NFIX: variants seen among roughly 807,000 people sequenced by gnomAD.
NFIX encodes the protein nuclear factor 1 X-type.
A neutral mutation model predicts 53.3 loss-of-function variants in NFIX; 2 were observed. That is an observed-to-expected ratio of 0.04 (90% CI 0.02 to 0.12). NFIX has a LOEUF of 0.12. NFIX is among the 10% of genes least tolerant of loss of function. The pLI is 1.00. For missense variants in NFIX, 310 were observed against 674.5 expected, an observed-to-expected ratio of 0.46 and a Z score of 5.99; for synonymous variants, 244 against 289.0, an observed-to-expected ratio of 0.84 and a Z score of 1.58.
chr19:13,038,445 C>T (rs965132277), intron 2 of NFIX, among the ~76,000 whole-genome samples: 1 of 152,126 alleles, frequency 6.6e-6, no homozygotes, highest in Non-Finnish European at 1.5e-5. Context: ...TTTCCCAGAC[C>T]CAGTGACCAG....
At chr19:13,075,507 C>T in intron 5 of NFIX, 28 bp from the exon 6 acceptor site, 1 of 1,611,692 alleles carries the variant, frequency 6.2e-7, no homozygotes, top group Middle Eastern at 1.7e-4. Flanking sequence ...CCATCCTTGG[C>T]CCATGTGACC....
rs1473281441 is a variant in NFIX, at chr19:13,088,504, TTTTTTG to T, written c.1402+380_1402+385del. On this transcript the variant is annotated intron_variant, in intron 9 of 10. Transcript: ENST00000592199. The surrounding 1 kb of genome is among the most constrained non-coding windows in gnomAD (Gnocchi z 5.9). ...CCTGATTGCTGTTTTTTTTTTTTTG[TTTTTTG>T]TTTTTGTTTTTTAATTTTTTTGTTG... Among the ~76,000 whole-genome samples the T allele has an allele frequency of 1.3e-5, 2 of 150,870 alleles. No individual in the cohort carries two copies. The highest frequency in any genetic ancestry group is 3.0e-5 in the Non-Finnish European group (2 of 67,714).
rs572565425 is a variant in NFIX at position 13,021,059 on chromosome 19, C to T, written c.28-3962C>T. Among the ~76,000 whole-genome samples, 10 of 152,252 alleles carry T rather than the reference C, an allele frequency of 6.6e-5. No individual in the cohort carries two copies. The highest frequency in any genetic ancestry group is 5.9e-4 in the Admixed American group (9 of 15,306). On this transcript the variant is annotated intron_variant, in intron 1 of 10. Transcript: ENST00000592199. This position sits in a 1 kb window ranked among gnomAD's most constrained non-coding sequence, Gnocchi z 4.2. ...AGTATAAATCAGAATACAAGAAAAA[C>T]ACCTCCATGCCAAATATAAACTCAC...
chr19:13,072,834 G>T lies in NFIX; in HGVS notation c.560-213G>T, dbSNP rs1168755979. ...CCAGGCCAAATGTCAGCAGTGCTGA[G>T]GCTGAGAAACCTGCACTGGGCCTGT... is the stretch of plus-strand genomic sequence containing the variant. On this transcript the variant is annotated intron_variant, in intron 2 of 10. Transcript: ENST00000592199. The surrounding 1 kb of genome is among the most constrained non-coding windows in gnomAD (Gnocchi z 4.0). 6.6e-6 allele frequency among the ~76,000 whole-genome samples: 1 copy of T among 152,206 alleles called. No individual in the cohort carries two copies. Among genetic ancestry groups the T allele is most frequent in the Non-Finnish European group, 1.5e-5 (1 of 68,036 alleles).
intron 1 of NFIX, among the ~76,000 whole-genome samples, chr19:13,003,845 G>T (rs2145137110): frequency 6.6e-6 from 1 of 152,230 alleles, no homozygotes; most frequent in South Asian, 2.1e-4. Context: ...TGGTTATGTT[G>T]CCCAGGCTGG....
rs968469113 is a variant in NFIX, at chr19:13,041,188, A to C, written c.559+15636A>C. Among the ~76,000 whole-genome samples, 4 of 151,750 alleles carry C rather than the reference A, an allele frequency of 2.6e-5. 1 individual carries two copies. Among genetic ancestry groups the C allele is most frequent in the African/African-American group, 9.7e-5 (4 of 41,272 alleles). The stretch of plus-strand genomic sequence containing the variant: ...AGGAGGCCAAGCCTGCCTCTCACAA[A>C]CTCTGGACACACAGGGGCTTAGTTT... On this transcript the variant is annotated intron_variant, in intron 2 of 10. Coordinates refer to ENST00000592199, the MANE Select transcript of NFIX (RefSeq NM_001365902.3).
At position 13,068,228 on chromosome 19, in the gene NFIX, CCT is replaced by C. The variant is rs2145409028; in HGVS notation, c.560-4816_560-4815del. 6.6e-6 allele frequency among the ~76,000 whole-genome samples: 1 copy of C among 152,254 alleles called. No homozygotes were observed. The highest frequency in any genetic ancestry group is 2.4e-5 in the African/African-American group (1 of 41,558). ...CAGAGCTCTACTGAAGAGGCAGTGT[CCT>C]CTTGGAAACACGCACAAGCACACGT... is the stretch of plus-strand genomic sequence containing the variant. On this transcript the variant is annotated intron_variant, in intron 2 of 10. Transcript: ENST00000592199. The surrounding 1 kb of genome is among the most constrained non-coding windows in gnomAD (Gnocchi z 4.2).
In NFIX at chr19:13,081,438, T is replaced by G. The variant is rs905717739; in HGVS notation, c.1079-242T>G. On this transcript the variant is annotated intron_variant, in intron 7 of 10. Transcript: ENST00000592199. The surrounding 1 kb of genome is among the most constrained non-coding windows in gnomAD (Gnocchi z 4.7). ...TATTTACAAAAACAAATGGCTGGCC[T>G]TTGGACCCTAGTTTGCCTATTTGAT... Among the ~76,000 whole-genome samples the G allele has an allele frequency of 2.0e-5, 3 of 152,186 alleles. No homozygotes were observed. The highest frequency in any genetic ancestry group is 3.2e-3 in the Middle Eastern group (1 of 316).
chr19:13,075,462 A>G, intron 5 of NFIX, 73 bp from the exon 6 acceptor site: 2 of 1,548,954 alleles, frequency 1.3e-6, no homozygotes, highest in South Asian at 2.4e-5. Flanking sequence ...ACAGTTCTTT[A>G]GCCTGGACTC....
At chr19:13,077,091 G>A (rs554240748) in intron 6 of NFIX, among the ~76,000 whole-genome samples, 262 of 152,242 alleles carry the variant, frequency 1.7e-3, no homozygotes, top group Non-Finnish European at 3.1e-3. Flanking sequence ...TGGGTCCCTG[G>A]CCGGGGCCTC....
chr19:13,009,238 T>C lies in NFIX; in HGVS notation c.27+13374T>C, dbSNP rs564252106. Among the ~76,000 whole-genome samples the C allele has an allele frequency of 6.6e-6, 1 of 152,174 alleles. No homozygotes were observed. Among genetic ancestry groups the C allele is most frequent in the African/African-American group, 2.4e-5 (1 of 41,510 alleles). On this transcript the variant is annotated intron_variant, in intron 1 of 10. Coordinates refer to ENST00000592199, the MANE Select transcript of NFIX (RefSeq NM_001365902.3). The surrounding 1 kb of genome is among the most constrained non-coding windows in gnomAD (Gnocchi z 4.7). The stretch of plus-strand genomic sequence containing the variant: ...ACGCGATCACACCAAGCGTCACAGC[T>C]TGTCACAGCCATAGATTCCTCACAA...
chr19:13,033,058 G>A (rs1024572329), intron 2 of NFIX, among the ~76,000 whole-genome samples: 3 of 152,084 alleles, frequency 2.0e-5, no homozygotes, highest in South Asian at 2.1e-4. Flanking sequence ...GTTGGCAGAC[G>A]GGAGGAGGAG....
chr19:13,063,167 G>A (rs1355786775), intron 2 of NFIX, among the ~76,000 whole-genome samples: 1 of 152,338 alleles, frequency 6.6e-6, no homozygotes, highest in South Asian at 2.1e-4. Context: ...CAGGCAAATA[G>A]GCAGAGAGCT....
In NFIX at chr19:13,067,749, C is replaced by G. The variant is rs1391004565; in HGVS notation, c.560-5298C>G. On this transcript the variant is annotated intron_variant, in intron 2 of 10. Coordinates refer to ENST00000592199, the MANE Select transcript of NFIX (RefSeq NM_001365902.3). The surrounding 1 kb of genome is among the most constrained non-coding windows in gnomAD (Gnocchi z 4.2). ...TGGCTGTAGCCAGCAGGAATTCCTC[C>G]CTCACCCTAGTGGGAGCCATAACTA... Among the ~76,000 whole-genome samples the G allele has an allele frequency of 1.3e-5, 2 of 151,976 alleles. No individual in the cohort carries two copies. The highest frequency in any genetic ancestry group is 4.8e-5 in the African/African-American group (2 of 41,344).
rs2014865675 is a variant in NFIX at position 13,044,625 on chromosome 19, C to T, written c.559+19073C>T. 2.0e-5 allele frequency among the ~76,000 whole-genome samples: 3 copies of T among 152,140 alleles called. No homozygotes were observed. The South Asian group carries it at 6.2e-4, about 32-fold the overall frequency. On this transcript the variant is annotated intron_variant, in intron 2 of 10. Transcript: ENST00000592199. ...CCCAACTCCAACCTGGCCCCTGTGG[C>T]TTGTAGCTTCTGAGTCAGAGGGCGT... is the stretch of plus-strand genomic sequence containing the variant.
At chr19:13,059,061 C>T (rs1157351798) in intron 2 of NFIX, among the ~76,000 whole-genome samples, 3 of 152,214 alleles carry the variant, frequency 2.0e-5, no homozygotes, top group South Asian at 2.1e-4. Flanking sequence ...TCCACATGCA[C>T]GTGCACACAA....
intron 10 of NFIX, among the ~76,000 whole-genome samples, chr19:13,092,331 CTG>C (rs1159661169): frequency 1.3e-5 from 2 of 152,332 alleles, no homozygotes; most frequent in Admixed American, 6.5e-5. Flanking sequence ...GAAAGCCACT[CTG>C]TGCTTGGCAG....
At chr19:13,008,046 A>AT (rs1268355542) in intron 1 of NFIX, among the ~76,000 whole-genome samples, 9 of 152,202 alleles carry the variant, frequency 5.9e-5, no homozygotes, top group Non-Finnish European at 1.0e-4. Context: ...CACATAATAC[A>AT]TACAACAAAC....
rs2017443650 is a variant in NFIX at position 13,081,200 on chromosome 19, G to A, written c.1079-480G>A. 6.6e-6 allele frequency among the ~76,000 whole-genome samples: 1 copy of A among 151,838 alleles called. No homozygotes were observed. The highest frequency in any genetic ancestry group is 1.5e-5 in the Non-Finnish European group (1 of 67,988). ...TGCACCTGTAGTGCTGGTTACTTGGGGGGCTGAGGTGGGAGGATTGCATGA... is the reference window on the plus strand; with the variant it reads ...TGCACCTGTAGTGCTGGTTACTTGGAGGGCTGAGGTGGGAGGATTGCATGA... On this transcript the variant is annotated intron_variant, in intron 7 of 10. Transcript: ENST00000592199. This position sits in a 1 kb window ranked among gnomAD's most constrained non-coding sequence, Gnocchi z 4.7.
Sources: gnomAD v4.1 joint callset for allele counts (sites outside exome capture counted in the v4.1 genomes callset) on GRCh38, gnomAD v4.1.1 for gene constraint, Gnocchi (gnomAD v3.1) non-coding constraint, MANE v1.5 for transcripts, NCBI Gene and HGNC (gene_info 2026-07-23, HGNC 2026-07-21) for gene names.